ARHGAP42: variants seen among roughly 807,000 people sequenced by gnomAD.
ARHGAP42 encodes Rho GTPase activating protein 42.
A neutral mutation model predicts 125.0 loss-of-function variants in ARHGAP42; 63 were observed. That is an observed-to-expected ratio of 0.50 (90% CI 0.41 to 0.62). The LOEUF (loss-of-function observed/expected upper bound fraction) is 0.62, where lower values mean the gene tolerates loss of function less well. Ranked by LOEUF, ARHGAP42 falls within the 20% of genes least tolerant of loss-of-function variation. The pLI, the probability that ARHGAP42 is intolerant of heterozygous loss-of-function variation, is 0.00. For synonymous variants in ARHGAP42, 339 were observed against 351.0 expected (o/e 0.97, Z 0.38); for missense variants, 766 against 1,024.2 (o/e 0.75, Z 3.44).
At chr11:100,985,575 A>G (rs1199153377) in intron 22 of ARHGAP42, among the ~76,000 whole-genome samples, 2 of 152,194 alleles carry the variant, frequency 1.3e-5, no homozygotes, top group African/African-American at 4.8e-5. Flanking sequence ...GCATGTGTTC[A>G]TGTGCACACA....
chr11:100,881,795 T>G (rs957795528), intron 4 of ARHGAP42, among the ~76,000 whole-genome samples: 17 of 152,142 alleles, frequency 1.1e-4, no homozygotes, highest in African/African-American at 4.1e-4. Context: ...TTTTACCATC[T>G]TGGTTAGGTG....
At chr11:100,988,363 A>C (rs548051375) in intron 23 of ARHGAP42, among the ~76,000 whole-genome samples, 1 of 152,262 alleles carries the variant, frequency 6.6e-6, no homozygotes, top group East Asian at 1.9e-4. Flanking sequence ...ACTTTAACCA[A>C]CCATGGATCA....
At chr11:100,714,389 T>TG (rs1861617426) in intron 1 of ARHGAP42, among the ~76,000 whole-genome samples, 3 of 149,678 alleles carry the variant, frequency 2.0e-5, no homozygotes, top group African/African-American at 7.4e-5. Flanking sequence ...ACATAAAAAT[T>TG]TGTGTGTGTG....
chr11:100,823,616 T>C lies in ARHGAP42; in HGVS notation c.312+28450T>C, dbSNP rs567809661. Among the ~76,000 whole-genome samples, 10 of 152,236 alleles carry C rather than the reference T, an allele frequency of 6.6e-5. No individual in the cohort carries two copies. In the East Asian group the frequency reaches 1.9e-3, roughly 29 times the overall value. On this transcript the variant is annotated intron_variant, in intron 3 of 23. Transcript: ENST00000298815. ...CCAAATCACCAATTTAATCCAAGTA[T>C]TACTAGAGGGAATATTTTCTTTGGA...
At chr11:100,858,311 C>T (rs2135138952) in intron 3 of ARHGAP42, among the ~76,000 whole-genome samples, 1 of 152,198 alleles carries the variant, frequency 6.6e-6, no homozygotes, top group South Asian at 2.1e-4. Context: ...CCAGTTGGCC[C>T]TCATTGTCTG....
At chr11:100,815,266 C>G (rs915416076) in intron 3 of ARHGAP42, among the ~76,000 whole-genome samples, 4 of 152,174 alleles carry the variant, frequency 2.6e-5, no homozygotes, top group Non-Finnish European at 5.9e-5. Flanking sequence ...CATCCTTGCA[C>G]TGTTATACAT....
intron 4 of ARHGAP42, among the ~76,000 whole-genome samples, chr11:100,903,923 G>T (rs1249827921): frequency 6.6e-6 from 1 of 151,424 alleles, no homozygotes; most frequent in Admixed American, 6.6e-5. Context: ...AAAGATGTAG[G>T]CTGGGAGACT....
intron 1 of ARHGAP42, among the ~76,000 whole-genome samples, chr11:100,751,356 C>T (rs1565555391): frequency 6.7e-6 from 1 of 148,788 alleles, no homozygotes; most frequent in East Asian, 2.0e-4. Context: ...TCTCAGCTCA[C>T]TGTGCAGCCT....
rs574031443 is a variant in ARHGAP42 at position 100,909,496 on chromosome 11, G to A, written c.385-3956G>A. 3.3e-5 allele frequency among the ~76,000 whole-genome samples: 5 copies of A among 151,768 alleles called. 1 individual carries two copies. In the South Asian group the frequency reaches 6.2e-4, roughly 19 times the overall value. ...AATAGCTGGATTACAAATGCCCGTC[G>A]CCATGCCCAGCTAATTTTTGTGTTT... On this transcript the variant is annotated intron_variant, in intron 4 of 23. Transcript: ENST00000298815.
At chr11:100,714,244 C>G (rs1347176465) in intron 1 of ARHGAP42, among the ~76,000 whole-genome samples, 1 of 149,838 alleles carries the variant, frequency 6.7e-6, no homozygotes, top group Non-Finnish European at 1.5e-5. Flanking sequence ...ATTTACCTGT[C>G]AAGTCAATTC....
chr11:100,687,552 A>G lies in ARHGAP42; in HGVS notation c.-127A>G. 1 of 639,328 alleles carries G rather than the reference A, an allele frequency of 1.6e-6. No individual in the cohort carries two copies. The highest frequency in any genetic ancestry group is 2.1e-6 in the Non-Finnish European group (1 of 478,368). 39.6% of individuals were successfully genotyped at this position (639,328 alleles called of 1,614,324 possible). ...CGGGGCCCGTTTCCTCCGCGCAATC[A>G]GTCCCCTCGCGTCCCGGCGCCTTCC... On this transcript the variant is annotated 5_prime_UTR_variant, in exon 1 of 24. Transcript: ENST00000298815.
chr11:100,885,542 C>T (rs1565259003), intron 4 of ARHGAP42, among the ~76,000 whole-genome samples: 1 of 152,040 alleles, frequency 6.6e-6, no homozygotes, highest in Non-Finnish European at 1.5e-5. Context: ...CAATTATTTG[C>T]TTTTGACTAT....
intron 7 of ARHGAP42, 81 bp downstream of exon 7, chr11:100,933,341 TA>T (rs762488373): frequency 1.3e-4 from 133 of 1,027,530 alleles, no homozygotes; most frequent in Non-Finnish European, 1.8e-4. Flanking sequence ...AATTTTTTTC[TA>T]GCTGCTAGTG....
intron 3 of ARHGAP42, among the ~76,000 whole-genome samples, chr11:100,824,319 G>T (rs1864464285): frequency 6.6e-6 from 1 of 152,120 alleles, no homozygotes; most frequent in Non-Finnish European, 1.5e-5. Flanking sequence ...AAAGTTTAAT[G>T]ATGCTTGCTT....
Position 100,936,332 on chromosome 11 carries a change from C to T in ARHGAP42, c.832C>T (p.Arg278Ter), listed in dbSNP as rs1051769738. 2.6e-6 allele frequency: 4 copies of T among 1,551,410 alleles called. No homozygotes were observed. Among genetic ancestry groups the T allele is most frequent in the Admixed American group, 2.0e-5 (1 of 50,978 alleles). The change falls in exon 8 of 24, where the codon CGA becomes TGA. Residue 278 changes from arginine to a stop codon, truncating the protein, a stop_gained and splice_region_variant. Coordinates refer to ENST00000298815, the MANE Select transcript of ARHGAP42 (RefSeq NM_152432.4). LOFTEE classifies it high-confidence loss of function. Reference sequence around the variant, plus strand: ...AGGCTATCTGTATGTCCAGGAGAAACGTGAGTCACAAAGACATAATTTCAC... The same window carrying T: ...AGGCTATCTGTATGTCCAGGAGAAATGTGAGTCACAAAGACATAATTTCAC... ...MEGYLYVQEK[R>*]PLGFTWIKHY...
intron 3 of ARHGAP42, among the ~76,000 whole-genome samples, chr11:100,812,659 A>G (rs1797912497): frequency 6.6e-6 from 1 of 152,194 alleles, no homozygotes; most frequent in African/African-American, 2.4e-5. Context: ...AATGCTTTTC[A>G]GGTTGCCCAG....
At chr11:100,950,889 A>T (rs1857633288) in intron 12 of ARHGAP42, among the ~76,000 whole-genome samples, 1 of 151,658 alleles carries the variant, frequency 6.6e-6, no homozygotes, top group Non-Finnish European at 1.5e-5. Context: ...TTTTATTTTT[A>T]TTTTTTAATA....
chr11:100,808,841 A>G (rs1199062888), intron 3 of ARHGAP42, among the ~76,000 whole-genome samples: 1 of 152,244 alleles, frequency 6.6e-6, no homozygotes, highest in African/African-American at 2.4e-5. Context: ...ATTAAAAATA[A>G]CAAATTATTC....
intron 1 of ARHGAP42, among the ~76,000 whole-genome samples, chr11:100,734,556 C>T (rs750084673): frequency 7.2e-5 from 11 of 152,214 alleles, no homozygotes; most frequent in Non-Finnish European, 2.9e-5. Context: ...GCTGGGATTA[C>T]GGGCGTCAGA....
Sources: gnomAD v4.1 joint callset for allele counts (sites outside exome capture counted in the v4.1 genomes callset) on GRCh38, gnomAD v4.1.1 for gene constraint, MANE v1.5 for transcripts, NCBI Gene and HGNC (gene_info 2026-07-23, HGNC 2026-07-21) for gene names.